The following IWS1 variants were observed in gnomAD, a reference collection of about 807,000 sequenced individuals.
The protein encoded by IWS1 is protein IWS1 homolog.
In IWS1, 27 loss-of-function variants were observed where a neutral mutation model predicts 86.7. The ratio of observed to expected loss-of-function variants is 0.31; its 90% CI spans 0.23 to 0.43. The LOEUF (loss-of-function observed/expected upper bound fraction) is 0.43. Among genes scored for constraint, IWS1 ranks in the 20% least tolerant of loss-of-function variants. The pLI, the probability that IWS1 is intolerant of heterozygous loss-of-function variation, is 1.00. For missense variants in IWS1, 827 were observed against 1,000.8 expected (o/e 0.83, Z 2.34); for synonymous variants, 313 against 335.1 (o/e 0.93, Z 0.72).
chr2:127,526,361 C>T lies in IWS1; in HGVS notation c.-153G>A. ...GGTGCGGAGGGTAAGAAAGCGGTAG[C>T]GGCAAAGGCGAATTCTTTGACCTGG... is the stretch of plus-strand genomic sequence containing the variant. On this transcript the variant is annotated 5_prime_UTR_variant, in exon 1 of 14. Transcript: ENST00000295321. 6.5e-7 allele frequency: 1 copy of T among 1,536,754 alleles called. No homozygotes were observed. The highest frequency in any genetic ancestry group is 8.7e-7 in the Non-Finnish European group (1 of 1,146,452).
chr2:127,497,200 TTA>T (rs1033452185), intron 6 of IWS1, among the ~76,000 whole-genome samples: 1 of 152,234 alleles, frequency 6.6e-6, no homozygotes, highest in African/African-American at 2.4e-5. Context: ...TACTACCCTG[TTA>T]TATATACACA....
chr2:127,503,856 C>T (rs1304677655), intron 3 of IWS1, among the ~76,000 whole-genome samples: 7 of 152,020 alleles, frequency 4.6e-5, no homozygotes, highest in Admixed American at 2.6e-4. Flanking sequence ...ATAAAAGCAG[C>T]CACCTTTCCT....
chr2:127,505,615 T>C lies in IWS1; in HGVS notation c.288A>G (p.Glu96=), dbSNP rs930704009. 1 of 1,613,978 alleles carries C rather than the reference T, an allele frequency of 6.2e-7. No individual in the cohort carries two copies. The highest frequency in any genetic ancestry group is 8.5e-7 in the Non-Finnish European group (1 of 1,179,970). ...CAGGAGGCTCTGCACGTTCCTCAGA[T>C]TCAGAGTCGCTGTCCTTTTGCCTGT... is the stretch of plus-strand genomic sequence containing the variant. ...ELHRQKDSDS[E]SEERAEPPAS... Residue 96 remains glutamate, a synonymous_variant, in exon 3 of 14, where the codon GAA becomes GAG. Transcript: ENST00000295321. The surrounding 1 kb of genome is among the most constrained non-coding windows in gnomAD (Gnocchi z 5.0).
At chr2:127,512,375 A>C (rs1691518014) in intron 2 of IWS1, among the ~76,000 whole-genome samples, 1 of 152,208 alleles carries the variant, frequency 6.6e-6, no homozygotes, top group South Asian at 2.1e-4. Context: ...TGCTTTATTA[A>C]AAAGTTACAT....
chr2:127,488,796 C>CG (rs1385202737), intron 12 of IWS1, among the ~76,000 whole-genome samples: 1 of 152,230 alleles, frequency 6.6e-6, no homozygotes, highest in Non-Finnish European at 1.5e-5. Flanking sequence ...CCAACCCCTT[C>CG]AGTCTACTTG....
chr2:127,501,316 C>T (rs972387074), intron 5 of IWS1, among the ~76,000 whole-genome samples: 3 of 152,268 alleles, frequency 2.0e-5, no homozygotes, highest in South Asian at 2.1e-4. Flanking sequence ...TTAGTCTAAT[C>T]ATTACTTTTC....
chr2:127,485,952 G>C (rs1689908070), intron 13 of IWS1: 1 of 153,690 alleles, frequency 6.5e-6, no homozygotes, highest in African/African-American at 2.4e-5. Flanking sequence ...ACAGCACGAT[G>C]CACTTTGCTG....
At chr2:127,522,653 CA>C in intron 2 of IWS1, among the ~76,000 whole-genome samples, 1 of 152,292 alleles carries the variant, frequency 6.6e-6, no homozygotes, top group South Asian at 2.1e-4. Flanking sequence ...CAATTTTCTG[CA>C]TATGTGTAAT....
At chr2:127,517,092 T>C (rs949697250) in intron 2 of IWS1, among the ~76,000 whole-genome samples, 2 of 152,186 alleles carry the variant, frequency 1.3e-5, no homozygotes, top group African/African-American at 4.8e-5. Context: ...TATAAATCAC[T>C]GTTAAAAGCA....
At chr2:127,525,135 G>A (rs1002649068) in intron 1 of IWS1, among the ~76,000 whole-genome samples, 7 of 150,338 alleles carry the variant, frequency 4.7e-5, no homozygotes, top group Non-Finnish European at 1.0e-4. Context: ...ACGGGCATGG[G>A]GGGTGGGGGT....
chr2:127,487,630 G>A (rs905288232), intron 12 of IWS1, among the ~76,000 whole-genome samples: 5 of 152,046 alleles, frequency 3.3e-5, no homozygotes, highest in East Asian at 3.9e-4. Flanking sequence ...AGCTCACCGC[G>A]AGCTCCACCT....
Position 127,489,244 on chromosome 2 carries a change from A to G in IWS1, c.2160-9T>C. 1 of 1,608,878 alleles carries G rather than the reference A, an allele frequency of 6.2e-7. No homozygotes were observed. The highest frequency in any genetic ancestry group is 1.3e-5 in the African/African-American group (1 of 74,878). ...GTGTCTGACCACCAGTGCTGAAAAA[A>G]AAGTAAACAAGGAGATACCAGGAAT... On this transcript the variant is annotated splice_polypyrimidine_tract_variant and intron_variant, in intron 11 of 13. Transcript: ENST00000295321. This position sits in a 1 kb window ranked among gnomAD's most constrained non-coding sequence, Gnocchi z 4.8.
chr2:127,513,463 T>C (rs2104724340), intron 2 of IWS1, among the ~76,000 whole-genome samples: 1 of 152,310 alleles, frequency 6.6e-6, no homozygotes, highest in East Asian at 1.9e-4. Context: ...TAAGAAACTA[T>C]CTTTCCATGT....
chr2:127,496,123 T>A lies in IWS1; in HGVS notation c.1591A>T (p.Met531Leu). 6.2e-7 allele frequency: 1 copy of A among 1,613,598 alleles called. No individual in the cohort carries two copies. Among genetic ancestry groups the A allele is most frequent in the Non-Finnish European group, 8.5e-7 (1 of 1,179,846 alleles). Reference protein sequence around the residue: ...KHMDFLSDFEMMLQRKKSMSG... With the variant: ...KHMDFLSDFELMLQRKKSMSG... The stretch of plus-strand genomic sequence containing the variant: ...ATGCTCTTTTTTCGCTGCAACATCA[T>A]CTCAAAATCTGACAGAAAGTCCATA... Residue 531 changes from methionine to leucine, a missense_variant, in exon 7 of 14, where the codon ATG (methionine) becomes TTG (leucine). This residue lies in a region of IWS1 where 279 missense variants were observed against 440.6 expected (regional missense o/e 0.63). Coordinates refer to ENST00000295321, the MANE Select transcript of IWS1 (RefSeq NM_017969.3).
At chr2:127,523,536 G>A (rs1692223520) in intron 2 of IWS1, 140 bp downstream of exon 2, 1 of 575,064 alleles carries the variant, frequency 1.7e-6, no homozygotes, top group South Asian at 2.6e-5. Flanking sequence ...TTTTCAAGCG[G>A]TTTTCTATTA....
At chr2:127,503,246 T>C (rs1690911740) in intron 4 of IWS1, 141 bp downstream of exon 4, 3 of 607,442 alleles carry the variant, frequency 4.9e-6, no homozygotes, top group Admixed American at 2.8e-5. Flanking sequence ...TTCACCCACA[T>C]TGTAGTGTGT....
rs751179179 is a variant in IWS1, at chr2:127,504,779, A to T, written c.1124T>A (p.Met375Lys). ...CTCTTTTTCATCTTCATCACTGTCC[A>T]TTTTTTGCTTTTTGTGTTCTTCCTC... ...SEEEEHKKQK[M>K]DSDEDEKEGE... The change falls in exon 3 of 14, where the codon ATG becomes AAG. Residue 375 changes from methionine to lysine, a missense_variant. By Grantham distance (95) the Met-to-Lys change is moderately conservative. Around this residue, in one of 2 missense-constraint regions of IWS1, gnomAD observed 548 missense variants for 560.2 expected, o/e 0.98. Transcript: ENST00000295321. The T allele has an allele frequency of 6.2e-7, 1 of 1,613,866 alleles. No individual in the cohort carries two copies. Among genetic ancestry groups the T allele is most frequent in the Non-Finnish European group, 8.5e-7 (1 of 1,179,960 alleles).
At chr2:127,514,114 C>A (rs1465425449) in intron 2 of IWS1, among the ~76,000 whole-genome samples, 2 of 152,230 alleles carry the variant, frequency 1.3e-5, no homozygotes, top group Admixed American at 1.3e-4. Flanking sequence ...TTTCCCAAGG[C>A]TACCTACAGC....
intron 5 of IWS1, chr2:127,502,590 CAA>C (rs1249145143): frequency 8.7e-6 from 3 of 345,650 alleles, no homozygotes; most frequent in Non-Finnish European, 1.6e-5. Context: ...TTCTTTGTCT[CAA>C]AGTGTCCCTT....
Sources: gnomAD v4.1 joint callset for allele counts (sites outside exome capture counted in the v4.1 genomes callset) on GRCh38, gnomAD v4.1.1 for gene constraint, gnomAD v4.1.1 regional missense constraint, Gnocchi (gnomAD v3.1) non-coding constraint, MANE v1.5 for transcripts, NCBI Gene and HGNC (gene_info 2026-07-23, HGNC 2026-07-21) for gene names.